Variants in GADL1 observed in about 807,000 individuals in gnomAD.
The protein encoded by GADL1 is GAD like acidic amino acid decarboxylase 1, also known as acidic amino acid decarboxylase GADL1.
In GADL1, 71 loss-of-function variants were observed where a neutral mutation model predicts 69.5. The ratio of observed to expected loss-of-function variants is 1.02; its 90% CI spans 0.84 to 1.25. The LOEUF is 1.25. GADL1 is among the 50% of genes most tolerant of loss of function. The pLI, the probability that GADL1 is intolerant of heterozygous loss-of-function variation, is 0.00. For synonymous variants in GADL1, 254 were observed against 214.4 expected (o/e 1.18, Z -1.62); for missense variants, 737 against 631.8 (o/e 1.17, Z -1.79).
chr3:30,754,378 TGG>T (rs1695912648), intron 14 of GADL1, among the ~76,000 whole-genome samples: 2 of 151,858 alleles, frequency 1.3e-5, no homozygotes, highest in Non-Finnish European at 2.9e-5. Context: ...AAGAATATGT[TGG>T]GGCTACATTC....
In GADL1 at chr3:30,894,626, C is replaced by G. The variant is rs558290068; in HGVS notation, c.-12G>C. On this transcript the variant is annotated 5_prime_UTR_variant, in exon 1 of 15. Transcript: ENST00000282538. ...GAGTCGCTGCTCATCTCCGCTCCCC[C>G]ACTCCAGGCTGCCCCGGGCGCGGCT... The G allele has an allele frequency of 4.3e-5, 66 of 1,550,424 alleles. No individual in the cohort carries two copies. Among genetic ancestry groups the G allele is most frequent in the African/African-American group, 4.2e-4 (31 of 73,106 alleles).
chr3:30,782,310 C>G (rs1696683926), intron 13 of GADL1, among the ~76,000 whole-genome samples: 1 of 152,106 alleles, frequency 6.6e-6, no homozygotes, highest in Admixed American at 6.5e-5. Flanking sequence ...AGTTAGCAGA[C>G]AGTACCTAGA....
In GADL1 at chr3:30,850,872, A is replaced by G; in HGVS notation, c.498T>C (p.Phe166=). The G allele has an allele frequency of 6.4e-7, 1 of 1,550,550 alleles. No individual in the cohort carries two copies. Among genetic ancestry groups the G allele is most frequent in the Non-Finnish European group, 8.7e-7 (1 of 1,146,002 alleles). ...TTCCATCCCCTTCTTTCCAGCCAAT[A>G]AATTCAATCATTTTCTTCAGAACCG... The part of the protein sequence containing the change: ...EEAVLKKMIE[F]IGWKEGDGIF... Residue 166 remains phenylalanine, a synonymous_variant, in exon 5 of 15, where the codon TTT becomes TTC. Coordinates refer to ENST00000282538, the MANE Select transcript of GADL1 (RefSeq NM_207359.3).
chr3:30,853,117 A>G (rs1477363259), intron 4 of GADL1, among the ~76,000 whole-genome samples: 11 of 152,098 alleles, frequency 7.2e-5, no homozygotes, highest in Non-Finnish European at 1.5e-4. Context: ...CGCCATTGTA[A>G]GCTGACCCTG....
Position 30,800,954 on chromosome 3 carries a change from C to T in GADL1, c.1185G>A (p.Met395Ile). The change falls in exon 12 of 15, where the codon ATG becomes ATA. Residue 395 changes from methionine to isoleucine, a missense_variant. Transcript: ENST00000282538. The stretch of plus-strand genomic sequence containing the variant: ...CTAATGTACCCAGGGCCTTCCAGGT[C>T]ATCCAGAACTTGAATGCATCTGGTC... ...SRRPDAFKFW[M>I]TWKALGTLGL... 1 of 1,613,820 alleles carries T rather than the reference C, an allele frequency of 6.2e-7. No individual in the cohort carries two copies. Among genetic ancestry groups the T allele is most frequent in the Non-Finnish European group, 8.5e-7 (1 of 1,179,942 alleles).
At chr3:30,776,921 T>A (rs1696554261) in intron 14 of GADL1, among the ~76,000 whole-genome samples, 1 of 152,206 alleles carries the variant, frequency 6.6e-6, no homozygotes, top group African/African-American at 2.4e-5. Flanking sequence ...AATCTGCTTC[T>A]TTAAAATTGT....
chr3:30,742,021 A>G (rs968942539), intron 14 of GADL1, among the ~76,000 whole-genome samples: 7 of 152,194 alleles, frequency 4.6e-5, no homozygotes, highest in East Asian at 1.9e-4. Flanking sequence ...TCTGATTGAC[A>G]GCTCCAAATG....
At chr3:30,763,609 AG>A (rs1696195253) in intron 14 of GADL1, among the ~76,000 whole-genome samples, 1 of 152,176 alleles carries the variant, frequency 6.6e-6, no homozygotes, top group Non-Finnish European at 1.5e-5. Flanking sequence ...GCTCAGACTT[AG>A]ATGATTTTGC....
In GADL1 at chr3:30,850,088, C is replaced by T. The variant is rs759757786; in HGVS notation, c.559G>A (p.Ala187Thr). 1.9e-6 allele frequency: 3 copies of T among 1,606,300 alleles called. No homozygotes were observed. In the South Asian group the frequency reaches 3.3e-5, roughly 18 times the overall value. ...NPGGSVSNMYAMNLARYKYCP... is the reference protein window; with the variant it reads ...NPGGSVSNMYTMNLARYKYCP... ...TATTTGTATCTAGCTAAATTCATTG[C>T]ATACATATTGGACACTGAGCCACCT... Residue 187 changes from alanine (A) to threonine (T), a missense_variant, in exon 6 of 15, where the codon GCA (alanine) becomes ACA (threonine). Physicochemically the swap from Ala to Thr is moderately conservative, Grantham distance 58. Coordinates refer to ENST00000282538, the MANE Select transcript of GADL1 (RefSeq NM_207359.3).
intron 9 of GADL1, among the ~76,000 whole-genome samples, chr3:30,838,403 A>G (rs1398880979): frequency 6.6e-6 from 1 of 152,170 alleles, no homozygotes; most frequent in Non-Finnish European, 1.5e-5. Flanking sequence ...AAATTCTTTT[A>G]AAAAGCCAAT....
intron 11 of GADL1, among the ~76,000 whole-genome samples, chr3:30,810,528 T>A (rs751668785): frequency 2.6e-5 from 4 of 152,194 alleles, no homozygotes; most frequent in Non-Finnish European, 5.9e-5. Context: ...CAGTTGCTTC[T>A]TTCCTTAATA....
At chr3:30,784,499 T>C (rs552644416) in intron 13 of GADL1, among the ~76,000 whole-genome samples, 13 of 152,266 alleles carry the variant, frequency 8.5e-5, no homozygotes, top group Admixed American at 7.8e-4. Flanking sequence ...ATCTTCCATA[T>C]GTCTAGCTTT....
chr3:30,815,961 G>T (rs781661667), intron 11 of GADL1, among the ~76,000 whole-genome samples: 49 of 152,204 alleles, frequency 3.2e-4, no homozygotes, highest in Non-Finnish European at 6.0e-4. Context: ...TATGCTTTCT[G>T]TATTCAGGTT....
At chr3:30,840,640 A>T (rs1697950354) in intron 8 of GADL1, among the ~76,000 whole-genome samples, 2 of 152,222 alleles carry the variant, frequency 1.3e-5, no homozygotes, top group South Asian at 4.1e-4. Flanking sequence ...GCTTTTCCTC[A>T]TAAACTATAT....
chr3:30,810,727 C>T (rs75305931), intron 11 of GADL1, among the ~76,000 whole-genome samples: 2,891 of 152,146 alleles, frequency 0.019, 173 homozygotes, highest in Admixed American at 0.12. Context: ...CTCTCTTGGC[C>T]GCACCCTCCT....
intron 11 of GADL1, among the ~76,000 whole-genome samples, chr3:30,825,259 T>C (rs1203576117): frequency 6.6e-6 from 1 of 152,000 alleles, no homozygotes; most frequent in African/African-American, 2.4e-5. Context: ...TTTTAGAGTT[T>C]TTATTTTTCT....
At position 30,872,004 on chromosome 3, in the gene GADL1, T is replaced by G. The variant is rs556667906; in HGVS notation, c.38-10239A>C. ...GAGACACTTACTCCTATTGCTTGAG[T>G]AAATATTACTTGATAAGGGGCATGA... On this transcript the variant is annotated intron_variant, in intron 1 of 14. Coordinates refer to ENST00000282538, the MANE Select transcript of GADL1 (RefSeq NM_207359.3). Among the ~76,000 whole-genome samples the G allele has an allele frequency of 4.6e-5, 7 of 152,044 alleles. No homozygotes were observed. In the South Asian group the frequency reaches 1.4e-3, roughly 31 times the overall value.
intron 1 of GADL1, among the ~76,000 whole-genome samples, chr3:30,890,272 G>A (rs1308787165): frequency 6.6e-6 from 1 of 152,148 alleles, no homozygotes; most frequent in Non-Finnish European, 1.5e-5. Flanking sequence ...TGAGTTTACT[G>A]AACAAACACA....
intron 14 of GADL1, among the ~76,000 whole-genome samples, chr3:30,755,732 A>G (rs972402206): frequency 1.5e-5 from 1 of 68,594 alleles, no homozygotes; most frequent in African/African-American, 4.2e-5. Flanking sequence ...AATGTTCAAT[A>G]AATAATTGTT....
Sources: allele counts gnomAD v4.1 joint callset (sites outside exome capture counted in the v4.1 genomes callset), GRCh38; gene constraint gnomAD v4.1.1; transcripts MANE v1.5; gene names NCBI Gene and HGNC (gene_info 2026-07-23, HGNC 2026-07-21).